KIF24: variants seen among roughly 807,000 people sequenced by gnomAD.
KIF24 encodes the protein kinesin-like protein KIF24.
In KIF24, 81 loss-of-function variants were observed where a neutral mutation model predicts 118.9. That is an observed-to-expected ratio of 0.68 (90% confidence interval 0.57 to 0.82). KIF24 has a LOEUF of 0.82. Ranked by LOEUF, KIF24 falls within the 40% of genes least tolerant of loss-of-function variation. The pLI is 0.00. For missense variants in KIF24, 1,560 were observed against 1,661.6 expected (o/e 0.94, Z 1.06); for synonymous variants, 599 against 610.0 (o/e 0.98, Z 0.27).
chr9:34,309,006 A>G (rs62556639), intron 2 of KIF24, among the ~76,000 whole-genome samples: 24,262 of 152,058 alleles, frequency 0.16, 2,360 homozygotes, highest in South Asian at 0.25. Context: ...ACTTGACCTC[A>G]GGAGTTTGAG....
Position 34,256,105 on chromosome 9 carries a change from C to T in KIF24, c.3502G>A (p.Gly1168Ser). 3 of 1,611,886 alleles carry T rather than the reference C, an allele frequency of 1.9e-6. No homozygotes were observed. Among genetic ancestry groups the T allele is most frequent in the Non-Finnish European group, 2.5e-6 (3 of 1,178,152 alleles). Residue 1168 changes from glycine to serine, a missense_variant, in exon 11 of 13, where the codon GGT (glycine) becomes AGT (serine). Gly to Ser is a moderately conservative substitution (Grantham distance 56). Around this residue, in one of 3 missense-constraint regions of KIF24, gnomAD observed 591 missense variants for 655.6 expected, o/e 0.90. Coordinates refer to ENST00000402558, the MANE Select transcript of KIF24 (RefSeq NM_194313.4). ...ETVLFSHEHM[G>S]SEQYDADAEE... ...GCATCAGCATCATACTGCTCACTAC[C>T]CATGTGTTCGTGGGAGAAAAGTACA...
intron 3 of KIF24, among the ~76,000 whole-genome samples, chr9:34,298,030 A>C (rs1169356360): frequency 6.6e-6 from 1 of 152,134 alleles, no homozygotes; most frequent in Non-Finnish European, 1.5e-5. Context: ...AGGAAAACAT[A>C]TTCTCTCTGA....
chr9:34,322,249 G>T (rs1052035393), intron 1 of KIF24, among the ~76,000 whole-genome samples: 4 of 152,098 alleles, frequency 2.6e-5, no homozygotes, highest in Non-Finnish European at 5.9e-5. Flanking sequence ...CCATGGTCCT[G>T]CCTGCTCCTA....
At chr9:34,276,662 T>C (rs1242761892) in intron 6 of KIF24, among the ~76,000 whole-genome samples, 1 of 152,194 alleles carries the variant, frequency 6.6e-6, no homozygotes, top group Non-Finnish European at 1.5e-5. Flanking sequence ...GTATGTGAGA[T>C]GTAAAATCAA....
chr9:34,330,429 A>C (rs1357908285), upstream of KIF24, among the ~76,000 whole-genome samples: 3 of 152,124 alleles, frequency 2.0e-5, no homozygotes, highest in African/African-American at 7.2e-5. Context: ...ACAAAAAAAA[A>C]CTGAATGCAA....
At chr9:34,302,523 T>C (rs1836759162) in intron 3 of KIF24, among the ~76,000 whole-genome samples, 2 of 151,676 alleles carry the variant, frequency 1.3e-5, no homozygotes, top group African/African-American at 4.8e-5. Context: ...TGGAGTGCAG[T>C]GGCGCAATCT....
chr9:34,259,754 G>T, intron 9 of KIF24, 49 bp from the exon 10 acceptor site: 1 of 1,178,968 alleles, frequency 8.5e-7, no homozygotes, highest in Non-Finnish European at 1.3e-6. Flanking sequence ...TTAACAAAGT[G>T]CATACTGACT....
Position 34,257,172 on chromosome 9 carries a change from G to A in KIF24, c.2435C>T (p.Ser812Phe). 1 of 1,614,028 alleles carries A rather than the reference G, an allele frequency of 6.2e-7. No individual in the cohort carries two copies. Among genetic ancestry groups the A allele is most frequent in the South Asian group, 1.1e-5 (1 of 91,088 alleles). Reference protein sequence around the residue: ...NETPPLFHSYSENHDGAQVEE... With the variant: ...NETPPLFHSYFENHDGAQVEE... ...TACTTGGGCTCCATCATGGTTTTCA[G>A]AGTAAGAGTGGAACAGAGGCGGAGT... The change falls in exon 11 of 13, where the codon TCT (serine) becomes TTT (phenylalanine). Residue 812 changes from serine to phenylalanine, a missense_variant. Transcript: ENST00000402558.
In KIF24 at chr9:34,254,425, G is replaced by C; in HGVS notation, c.4062C>G (p.Thr1354=). 6.2e-7 allele frequency: 1 copy of C among 1,613,852 alleles called. No individual in the cohort carries two copies. The change falls in exon 13 of 13, where the codon ACC becomes ACG. Residue 1354 remains threonine, a synonymous_variant. Transcript: ENST00000402558. ...CAGGGGCTGCGGTGGGCCCGTGGCA[G>C]GTGAGATAGAGCTGCAGCTGGCTCC... ...SLRSQLQLYL[T]CHGPTAAPEG... is the part of the protein sequence containing the mutation.
intron 1 of KIF24, among the ~76,000 whole-genome samples, chr9:34,315,380 TTTTAA>T (rs1233349616): frequency 2.0e-5 from 3 of 152,190 alleles, no homozygotes; most frequent in South Asian, 2.1e-4. Context: ...GCAATCTATG[TTTTAA>T]TTTAACATAA....
intron 2 of KIF24, among the ~76,000 whole-genome samples, chr9:34,307,860 G>GAAAAAA (rs57149308): frequency 1.1e-4 from 13 of 113,944 alleles, no homozygotes; most frequent in African/African-American, 2.2e-4. Context: ...GACTCTGTCT[G>GAAAAAA]AAAAAAAAAA....
rs138169187 is a variant in KIF24 at position 34,256,456 on chromosome 9, G to A, written c.3151C>T (p.Pro1051Ser). 5.6e-6 allele frequency: 9 copies of A among 1,613,766 alleles called. No individual in the cohort carries two copies. Among genetic ancestry groups the A allele is most frequent in the Non-Finnish European group, 5.9e-6 (7 of 1,179,868 alleles). The stretch of plus-strand genomic sequence containing the variant: ...TTCTCCAGGAGGGACATGGTGAGGG[G>A]AGACATGAGTCCAGAAGCATATTCA... Reference protein sequence around the residue: ...HAEYASGLMSPLTMSLLENPD... With the variant: ...HAEYASGLMSSLTMSLLENPD... Residue 1051 changes from proline (P) to serine (S), a missense_variant, in exon 11 of 13, where the codon CCC (proline) becomes TCC (serine). By Grantham distance (74) the Pro-to-Ser change is moderately conservative. Coordinates refer to ENST00000402558, the MANE Select transcript of KIF24 (RefSeq NM_194313.4).
chr9:34,316,690 T>TATC (rs1837340212), intron 1 of KIF24, among the ~76,000 whole-genome samples: 1 of 152,254 alleles, frequency 6.6e-6, no homozygotes, highest in South Asian at 2.1e-4. Context: ...AAGCACTATG[T>TATC]TAGATGCTTT....
At position 34,318,768 on chromosome 9, in the gene KIF24, C is replaced by A; in HGVS notation, c.-25-7397G>T. On this transcript the variant is annotated intron_variant, in intron 1 of 12. Transcript: ENST00000402558. This position sits in a 1 kb window ranked among gnomAD's most constrained non-coding sequence, Gnocchi z 4.9. The stretch of plus-strand genomic sequence containing the variant: ...CCGCTGCGTTCACTCAGCAACTCCA[C>A]CGCGCGCAACGTGACCTGGAAGCTG... 6.6e-7 allele frequency: 1 copy of A among 1,521,506 alleles called. No individual in the cohort carries two copies. The highest frequency in any genetic ancestry group is 9.1e-7 in the Non-Finnish European group (1 of 1,104,892). The allele number at this position is 1,521,506 out of a possible 1,614,324, so 94.3% of individuals were successfully genotyped here.
chr9:34,258,482 G>A (rs1351998865), intron 10 of KIF24, among the ~76,000 whole-genome samples: 1 of 152,064 alleles, frequency 6.6e-6, no homozygotes, highest in Non-Finnish European at 1.5e-5. Context: ...AAAAACAAAC[G>A]AGAAAGAACA....
intron 8 of KIF24, among the ~76,000 whole-genome samples, 193 bp downstream of exon 8, chr9:34,269,064 G>A (rs1835401315): frequency 6.6e-6 from 1 of 152,206 alleles, no homozygotes; most frequent in African/African-American, 2.4e-5. Context: ...AAGGCAAGGA[G>A]AGAAGAAAAT....
intron 2 of KIF24, 35 bp from the exon 3 acceptor site, chr9:34,306,476 T>C (rs781621166): frequency 7.2e-6 from 10 of 1,394,972 alleles, no homozygotes; most frequent in Middle Eastern, 1.8e-4. Flanking sequence ...TAATTTTTAA[T>C]AATAGGACAA....
At position 34,290,862 on chromosome 9, in the gene KIF24, A is replaced by G. The variant is rs1050778880; in HGVS notation, c.912-473T>C. 9.9e-5 allele frequency among the ~76,000 whole-genome samples: 15 copies of G among 152,004 alleles called. 1 individual carries two copies. The highest frequency in any genetic ancestry group is 2.0e-4 in the Admixed American group (3 of 15,250). On this transcript the variant is annotated intron_variant, in intron 4 of 12. Transcript: ENST00000402558. Reference sequence around the variant, plus strand: ...TGATCTGCCCACCTCGGCCACTCAAAGTGCTGGGATTACAGACATGAGCCA... The same window carrying G: ...TGATCTGCCCACCTCGGCCACTCAAGGTGCTGGGATTACAGACATGAGCCA...
At chr9:34,330,179 G>A (rs1300737271), upstream of KIF24, among the ~76,000 whole-genome samples, 2 of 152,174 alleles carry the variant, frequency 1.3e-5, no homozygotes, top group African/African-American at 2.4e-5. Context: ...CAAGGCGGGC[G>A]GATCACGAGG....
Sources: allele counts gnomAD v4.1 joint callset (sites outside exome capture counted in the v4.1 genomes callset), GRCh38; gene constraint gnomAD v4.1.1; regional missense constraint gnomAD v4.1.1; non-coding constraint Gnocchi (gnomAD v3.1); transcripts MANE v1.5; gene names NCBI Gene and HGNC (gene_info 2026-07-23, HGNC 2026-07-21).